PDE4D: variants seen among roughly 807,000 people sequenced by gnomAD.
PDE4D encodes 3',5'-cyclic-AMP phosphodiesterase 4D.
PDE4D carries 24 observed loss-of-function variants against 87.4 expected under a neutral mutation model. The observed-to-expected ratio is 0.27, with a 90% confidence interval of 0.20 to 0.39. The LOEUF (loss-of-function observed/expected upper bound fraction) is 0.39. Ranked by LOEUF, PDE4D falls within the 10% of genes least tolerant of loss-of-function variation. PDE4D has a pLI of 1.00. For synonymous variants in PDE4D, 384 were observed against 383.2 expected, an observed-to-expected ratio of 1.00 and a Z score of -0.02; for missense variants, 714 against 1,041.0, an observed-to-expected ratio of 0.69 and a Z score of 4.32.
intron 1 of PDE4D, among the ~76,000 whole-genome samples, chr5:59,364,757 C>T (rs912620570): frequency 6.6e-6 from 1 of 152,176 alleles, no homozygotes; most frequent in Non-Finnish European, 1.5e-5. Context: ...AAGCTACTTT[C>T]TATATGGAAT....
intron 2 of PDE4D, among the ~76,000 whole-genome samples, chr5:60,056,581 T>C (rs1316807550): frequency 6.6e-6 from 1 of 152,024 alleles, no homozygotes; most frequent in Non-Finnish European, 1.5e-5. Context: ...TTTCTTCCTG[T>C]TCTATGATTC....
chr5:60,514,663 T>C (rs1377915562), intron 1 of PDE4D, among the ~76,000 whole-genome samples: 1 of 151,892 alleles, frequency 6.6e-6, no homozygotes, highest in Non-Finnish European at 1.5e-5. Context: ...CTTAGCAAAC[T>C]AGAAACAGAA....
chr5:60,138,287 T>C (rs752462068), intron 2 of PDE4D, among the ~76,000 whole-genome samples: 3 of 152,118 alleles, frequency 2.0e-5, no homozygotes, highest in Non-Finnish European at 4.4e-5. Flanking sequence ...CAGGAGTTGA[T>C]CAGCATCACT....
chr5:60,240,458 G>A (rs1248479288), intron 1 of PDE4D, among the ~76,000 whole-genome samples: 1 of 152,142 alleles, frequency 6.6e-6, no homozygotes, highest in African/African-American at 2.4e-5. Flanking sequence ...ATGAGTCTCA[G>A]ACTTGGCTGC....
intron 1 of PDE4D, among the ~76,000 whole-genome samples, chr5:59,612,998 GC>G (rs1294379871): frequency 5.3e-5 from 8 of 152,158 alleles, no homozygotes; most frequent in Non-Finnish European, 1.5e-5. Context: ...AGTATTCTGA[GC>G]AAAGAAGTGA....
intron 1 of PDE4D, among the ~76,000 whole-genome samples, chr5:59,681,499 G>A (rs1196326372): frequency 4.6e-5 from 7 of 152,106 alleles, no homozygotes; most frequent in Non-Finnish European, 2.9e-5. Context: ...AGACCAAAAC[G>A]CAACAGTGTT....
At chr5:59,135,216 C>A (rs1185884911) in intron 5 of PDE4D, among the ~76,000 whole-genome samples, 2 of 152,178 alleles carry the variant, frequency 1.3e-5, no homozygotes, top group Non-Finnish European at 2.9e-5. Flanking sequence ...AATCATCCAA[C>A]TACATTAAGG....
intron 5 of PDE4D, among the ~76,000 whole-genome samples, chr5:59,162,353 A>G (rs965813916): frequency 2.0e-5 from 3 of 152,178 alleles, no homozygotes; most frequent in Admixed American, 6.5e-5. Flanking sequence ...ATGCTTAATT[A>G]GAGAGTTACC....
intron 3 of PDE4D, among the ~76,000 whole-genome samples, chr5:59,192,303 A>T (rs997512707): frequency 1.3e-5 from 2 of 152,318 alleles, no homozygotes; most frequent in Middle Eastern, 3.4e-3. Context: ...AGTTTTTATA[A>T]TATTATATTT....
chr5:60,044,746 T>G (rs1181466684), intron 2 of PDE4D, among the ~76,000 whole-genome samples: 1 of 152,244 alleles, frequency 6.6e-6, no homozygotes, highest in Non-Finnish European at 1.5e-5. Context: ...TGCCACATTT[T>G]CTTAATCCAG....
intron 2 of PDE4D, among the ~76,000 whole-genome samples, chr5:60,038,989 G>A (rs1220922400): frequency 4.6e-5 from 7 of 150,560 alleles, no homozygotes; most frequent in Admixed American, 6.6e-5. Context: ...ACTGTTGGTG[G>A]GACTGTAAAC....
intron 1 of PDE4D, among the ~76,000 whole-genome samples, chr5:60,462,732 A>G (rs1280024883): frequency 6.6e-6 from 1 of 152,206 alleles, no homozygotes; most frequent in African/African-American, 2.4e-5. Flanking sequence ...TCTTCCCTTA[A>G]GATGATCATT....
intron 6 of PDE4D, among the ~76,000 whole-genome samples, chr5:58,999,278 C>A (rs975325330): frequency 3.3e-5 from 5 of 149,562 alleles, no homozygotes; most frequent in African/African-American, 1.2e-4. Flanking sequence ...AGAACTACTG[C>A]GTATCTAAAA....
At chr5:59,755,080 G>C (rs1262788854) in intron 1 of PDE4D, among the ~76,000 whole-genome samples, 1 of 152,030 alleles carries the variant, frequency 6.6e-6, no homozygotes, top group Non-Finnish European at 1.5e-5. Context: ...AGCTGATGTG[G>C]CTTATTGAAT....
intron 5 of PDE4D, among the ~76,000 whole-genome samples, chr5:59,120,427 C>G (rs372060847): frequency 6.6e-6 from 1 of 152,092 alleles, no homozygotes; most frequent in South Asian, 2.1e-4. Context: ...GTCTATGTGT[C>G]AGGCACTTTG....
At chr5:59,094,887 G>T (rs1769410273) in intron 5 of PDE4D, among the ~76,000 whole-genome samples, 1 of 151,980 alleles carries the variant, frequency 6.6e-6, no homozygotes, top group African/African-American at 2.4e-5. Context: ...GGGTCTTCTT[G>T]TCATTCTTCT....
intron 1 of PDE4D, among the ~76,000 whole-genome samples, chr5:60,498,201 T>A (rs968415863): frequency 6.8e-6 from 1 of 146,912 alleles, no homozygotes; most frequent in Non-Finnish European, 1.5e-5. Flanking sequence ...CACACACAAT[T>A]TTCCATGCCC....
intron 1 of PDE4D, among the ~76,000 whole-genome samples, chr5:59,846,091 A>T (rs1743802561): frequency 6.6e-6 from 1 of 152,120 alleles, no homozygotes; most frequent in Admixed American, 6.6e-5. Context: ...TAAAATAGAT[A>T]CAAAAGCCCA....
chr5:59,560,920 A>C (rs898064168), intron 1 of PDE4D: 1 of 152,204 alleles, frequency 6.6e-6, no homozygotes, highest in Non-Finnish European at 1.5e-5. Flanking sequence ...AAAGCCTTGA[A>C]AGATTTCAAT....
Sources: gnomAD v4.1 joint callset for allele counts (sites outside exome capture counted in the v4.1 genomes callset) on GRCh38, gnomAD v4.1.1 for gene constraint, MANE v1.5 for transcripts, NCBI Gene and HGNC (gene_info 2026-07-23, HGNC 2026-07-21) for gene names.